Variants in DLGAP2 observed in about 807,000 individuals in gnomAD.
DLGAP2 encodes DLG associated protein 2.
Under a neutral mutation model 100.3 loss-of-function variants are expected in DLGAP2, and 26 were observed. The observed-to-expected ratio is 0.26, with a 90% confidence interval of 0.19 to 0.36. The LOEUF is 0.36. Among genes scored for constraint, DLGAP2 ranks in the 10% least tolerant of loss-of-function variants. The pLI, the probability that DLGAP2 is intolerant of heterozygous loss-of-function variation, is 1.00. For missense variants in DLGAP2, 1,858 were observed against 1,453.2 expected, an observed-to-expected ratio of 1.28 and a Z score of -4.53; for synonymous variants, 886 against 630.1, an observed-to-expected ratio of 1.41 and a Z score of -6.08.
chr8:1,029,795 G>C (rs113836298), intron 2 of DLGAP2, among the ~76,000 whole-genome samples: 1 of 152,300 alleles, frequency 6.6e-6, no homozygotes, highest in African/African-American at 2.4e-5. Flanking sequence ...CCAAAAATGC[G>C]TCCTTGTCTG....
intron 12 of DLGAP2, among the ~76,000 whole-genome samples, chr8:1,690,772 C>A (rs1799240577): frequency 6.7e-6 from 1 of 150,012 alleles, no homozygotes; most frequent in African/African-American, 2.5e-5. Context: ...AATTAGGAAC[C>A]ATTTGTAGAT....
At chr8:1,506,183 C>T (rs902310872) in intron 4 of DLGAP2, among the ~76,000 whole-genome samples, 11 of 152,144 alleles carry the variant, frequency 7.2e-5, no homozygotes, top group African/African-American at 2.2e-4. Context: ...AATGTTAATA[C>T]ATATCTTGTC....
In DLGAP2 at chr8:1,690,999, C is replaced by T. The variant is rs539276219; in HGVS notation, c.2705-536C>T. On this transcript the variant is annotated intron_variant, in intron 12 of 14. Transcript: ENST00000637795. ...CCTCTGTCCACGCAGCCTCTTCCTA[C>T]GTAACACACACCTCACAGCACTGCC... 7.9e-5 allele frequency among the ~76,000 whole-genome samples: 12 copies of T among 152,284 alleles called. No individual in the cohort carries two copies. The East Asian group carries it at 2.3e-3, about 29-fold the overall frequency.
At chr8:1,328,961 G>T (rs1801086169) in intron 3 of DLGAP2, among the ~76,000 whole-genome samples, 1 of 152,238 alleles carries the variant, frequency 6.6e-6, no homozygotes. Context: ...GAGTAGCTGT[G>T]TTATGAATTA....
chr8:1,129,401 C>CA (rs35118074), intron 2 of DLGAP2, among the ~76,000 whole-genome samples: 1,743 of 111,950 alleles, frequency 0.016, 15 homozygotes, highest in African/African-American at 0.028. Flanking sequence ...GACTCCATCT[C>CA]AAAAAAAAAA....
chr8:1,606,428 C>A (rs1044948710), intron 6 of DLGAP2, among the ~76,000 whole-genome samples: 6 of 152,084 alleles, frequency 3.9e-5, no homozygotes, highest in Non-Finnish European at 8.8e-5. Flanking sequence ...CTCCTCCAAC[C>A]CCTGGCAACC....
chr8:1,678,799 A>G, intron 12 of DLGAP2, 170 bp downstream of exon 12: 1 of 735,760 alleles, frequency 1.4e-6, no homozygotes, highest in Non-Finnish European at 2.0e-6. Context: ...TATAAATTAC[A>G]TGAAAAGAGA....
At chr8:1,559,735 AC>A (rs1802095672) in intron 5 of DLGAP2, among the ~76,000 whole-genome samples, 1 of 152,246 alleles carries the variant, frequency 6.6e-6, no homozygotes. Context: ...TCCATCTGCC[AC>A]CAGCCAGCCT....
chr8:1,338,423 A>C (rs1801337826), intron 3 of DLGAP2, among the ~76,000 whole-genome samples: 1 of 152,220 alleles, frequency 6.6e-6, no homozygotes, highest in African/African-American at 2.4e-5. Context: ...TATTTATATG[A>C]AATGTCCAGG....
intron 1 of DLGAP2, among the ~76,000 whole-genome samples, chr8:820,251 C>G (rs970407009): frequency 5.3e-5 from 8 of 152,146 alleles, no homozygotes; most frequent in East Asian, 1.9e-4. Context: ...TACTGAAAGT[C>G]TAACAGAAAA....
chr8:788,074 C>T (rs1429346911), intron 1 of DLGAP2, among the ~76,000 whole-genome samples: 1 of 152,202 alleles, frequency 6.6e-6, no homozygotes. Flanking sequence ...TGGATCCCTC[C>T]CATGGCAGCT....
intron 2 of DLGAP2, among the ~76,000 whole-genome samples, chr8:1,028,671 A>T (rs1801888174): frequency 6.6e-6 from 1 of 152,204 alleles, no homozygotes; most frequent in Admixed American, 6.5e-5. Flanking sequence ...GCCATCCAGG[A>T]GCTAGGGTGT....
intron 3 of DLGAP2, among the ~76,000 whole-genome samples, chr8:1,453,255 G>T (rs925998985): frequency 6.6e-6 from 1 of 152,144 alleles, no homozygotes; most frequent in African/African-American, 2.4e-5. Flanking sequence ...GGGCCGTGCT[G>T]GCCGGTCAGG....
intron 2 of DLGAP2, among the ~76,000 whole-genome samples, chr8:1,113,630 T>C: frequency 6.6e-6 from 1 of 152,192 alleles, no homozygotes; most frequent in Non-Finnish European, 1.5e-5. Flanking sequence ...ATATAGAATC[T>C]TGTCATCTAC....
At chr8:763,981 C>T (rs4074580) in intron 1 of DLGAP2, among the ~76,000 whole-genome samples, 6,767 of 152,192 alleles carry the variant, frequency 0.044, 503 homozygotes, top group African/African-American at 0.16. Flanking sequence ...GCTGAGCTTC[C>T]GGCTTTTAAT....
intron 2 of DLGAP2, among the ~76,000 whole-genome samples, chr8:1,200,051 G>C (rs1797837273): frequency 6.6e-6 from 1 of 152,158 alleles, no homozygotes; most frequent in African/African-American, 2.4e-5. Flanking sequence ...CCGAGAACAG[G>C]AGGATGAGGA....
intron 1 of DLGAP2, chr8:739,084 C>T (rs1820411147): frequency 6.5e-6 from 1 of 154,190 alleles, no homozygotes; most frequent in African/African-American, 2.4e-5. Flanking sequence ...GGTCTTCTAT[C>T]GATTAAAGAT....
intron 2 of DLGAP2, among the ~76,000 whole-genome samples, chr8:1,186,173 G>T (rs997785221): frequency 6.6e-6 from 1 of 152,248 alleles, no homozygotes; most frequent in Admixed American, 6.5e-5. Context: ...GAACATTGGT[G>T]CCAGGATTGC....
intron 2 of DLGAP2, among the ~76,000 whole-genome samples, chr8:1,125,542 ACT>A (rs1796145139): frequency 6.6e-6 from 1 of 152,310 alleles, no homozygotes; most frequent in Admixed American, 6.5e-5. Context: ...AAACAACTCA[ACT>A]CTTAAAAATA....
Sources: gnomAD v4.1 joint callset for allele counts (sites outside exome capture counted in the v4.1 genomes callset) on GRCh38, gnomAD v4.1.1 for gene constraint, MANE v1.5 for transcripts, NCBI Gene and HGNC (gene_info 2026-07-23, HGNC 2026-07-21) for gene names.